The following OGDH variants were observed in gnomAD, a reference collection of about 807,000 sequenced individuals.
The protein encoded by OGDH is oxoglutarate dehydrogenase.
In OGDH, 38 loss-of-function variants were observed where a neutral mutation model predicts 116.6. That is an observed-to-expected ratio of 0.33 (90% CI 0.25 to 0.43). The LOEUF (loss-of-function observed/expected upper bound fraction) is 0.43. OGDH is among the 20% of genes least tolerant of loss of function. The probability of loss-of-function intolerance (pLI) is 1.00; values close to 1 mark genes in which losing one functional copy is unlikely to be tolerated. For missense variants in OGDH, 825 were observed against 1,357.2 expected, an observed-to-expected ratio of 0.61 and a Z score of 6.16; for synonymous variants, 488 against 533.3, an observed-to-expected ratio of 0.92 and a Z score of 1.17.
At chr7:44,655,536 G>A (rs1166549412) in intron 4 of OGDH, among the ~76,000 whole-genome samples, 1 of 152,226 alleles carries the variant, frequency 6.6e-6, no homozygotes, top group African/African-American at 2.4e-5. Flanking sequence ...AGCACTCTGA[G>A]TGCTCAACCA....
chr7:44,656,193 G>T, intron 4 of OGDH: 1 of 854,692 alleles, frequency 1.2e-6, no homozygotes, highest in Non-Finnish European at 1.9e-6. Context: ...TCCCTGTGAT[G>T]GTGTCTGTGC....
chr7:44,708,050 C>A lies in OGDH; in HGVS notation c.*51C>A. The A allele has an allele frequency of 1.3e-6, 2 of 1,584,786 alleles. No individual in the cohort carries two copies. Among genetic ancestry groups the A allele is most frequent in the Non-Finnish European group, 1.7e-6 (2 of 1,169,042 alleles). ...CTGCCCTCTCCACACCCATGACTGC[C>A]CCTTGCTTCTCAACTAAAGAATAGT... On this transcript the variant is annotated 3_prime_UTR_variant, in exon 23 of 23. Coordinates refer to ENST00000222673, the MANE Select transcript of OGDH (RefSeq NM_002541.4).
chr7:44,652,249 C>G (rs956271881), intron 4 of OGDH, among the ~76,000 whole-genome samples: 2 of 152,196 alleles, frequency 1.3e-5, no homozygotes, highest in Middle Eastern at 6.8e-3. Context: ...GCTGGGATTA[C>G]AGGCACCCAC....
intron 12 of OGDH, 70 bp from the exon 13 acceptor site, chr7:44,695,955 G>T: frequency 1.2e-6 from 1 of 829,768 alleles, no homozygotes; most frequent in South Asian, 1.4e-5. Context: ...AGAAAGTGTG[G>T]GGGTACAGGT....
intron 9 of OGDH, 99 bp from the exon 10 acceptor site, chr7:44,681,621 C>A: frequency 6.8e-7 from 1 of 1,469,450 alleles, no homozygotes; most frequent in Non-Finnish European, 9.2e-7. Context: ...TATCTCAAAA[C>A]GTTATTTTTT....
At chr7:44,636,988 TG>T (rs1220517569) in intron 2 of OGDH, among the ~76,000 whole-genome samples, 4 of 152,122 alleles carry the variant, frequency 2.6e-5, no homozygotes, top group Admixed American at 6.5e-5. Context: ...TGCCATTTGG[TG>T]GCAAAAGTCA....
At position 44,626,333 on chromosome 7, in the gene OGDH, C is replaced by A. The variant is rs62460462; in HGVS notation, c.222+1768C>A. On this transcript the variant is annotated intron_variant, in intron 2 of 22. Coordinates refer to ENST00000222673, the MANE Select transcript of OGDH (RefSeq NM_002541.4). ...CACACACACACACACACACACACAC[C>A]CCTACACACACACACACACACACAC... Among the ~76,000 whole-genome samples the A allele has an allele frequency of 5.7e-3, 617 of 108,080 alleles. 4 individuals carry two copies. The highest frequency in any genetic ancestry group is 0.018 in the African/African-American group (540 of 29,424). 70.9% of individuals were successfully genotyped at this position (108,080 alleles called of 152,430 possible). A position where few individuals can be genotyped will look rare whatever the true frequency, so the allele number is the denominator to read the frequency against.
intron 4 of OGDH, among the ~76,000 whole-genome samples, chr7:44,652,548 A>T (rs1401363131): frequency 6.6e-6 from 1 of 151,978 alleles, no homozygotes; most frequent in Admixed American, 6.6e-5. Context: ...CCAACATGAG[A>T]TACTTTATTT....
Position 44,707,900 on chromosome 7 carries a change from G to C in OGDH, c.2973G>C (p.Ala991=), listed in dbSNP as rs2070606. Reference sequence around the variant, plus strand: ...TCAGGTATGCCGGCCGGGACCCAGCGGCTGCTCCAGCCACCGGCAACAAGA... The same window carrying C: ...TCAGGTATGCCGGCCGGGACCCAGCCGCTGCTCCAGCCACCGGCAACAAGA... ...KPVWYAGRDP[A]AAPATGNKKT... is the part of the protein sequence containing the mutation. Residue 991 remains alanine, a synonymous_variant, in exon 23 of 23, where the codon GCG becomes GCC. Transcript: ENST00000222673. This position sits in a 1 kb window ranked among gnomAD's most constrained non-coding sequence, Gnocchi z 5.2. The C allele has an allele frequency of 1.9e-6, 3 of 1,613,300 alleles. No homozygotes were observed. The highest frequency in any genetic ancestry group is 2.5e-6 in the Non-Finnish European group (3 of 1,179,938).
intron 10 of OGDH, among the ~76,000 whole-genome samples, chr7:44,684,622 G>A (rs1788057716): frequency 1.3e-5 from 2 of 152,032 alleles, no homozygotes; most frequent in African/African-American, 4.8e-5. Flanking sequence ...TTTTACAGAA[G>A]TGAAAATTGA....
At chr7:44,607,513 C>T (rs1784400062) in intron 1 of OGDH, among the ~76,000 whole-genome samples, 1 of 152,134 alleles carries the variant, frequency 6.6e-6, no homozygotes, top group Non-Finnish European at 1.5e-5. Flanking sequence ...AGGTACACTG[C>T]TCTGAACAGC....
intron 2 of OGDH, among the ~76,000 whole-genome samples, chr7:44,641,242 TGG>T (rs1785930567): frequency 8.1e-6 from 1 of 123,132 alleles, no homozygotes; most frequent in Admixed American, 7.9e-5. Context: ...TTTTTTTTTT[TGG>T]AAACAGGGTG....
rs1041149423 is a variant in OGDH, at chr7:44,662,153, A to G, written c.518-4583A>G. Among the ~76,000 whole-genome samples, 3 of 152,190 alleles carry G rather than the reference A, an allele frequency of 2.0e-5. No homozygotes were observed. The East Asian group carries it at 5.8e-4, about 29-fold the overall frequency. ...GCTTCAACCATCAAACATAATTTAG[A>G]AGACCCAAGAGGAGGAGAATCTGAT... On this transcript the variant is annotated intron_variant, in intron 4 of 22. Transcript: ENST00000222673.
intron 10 of OGDH, among the ~76,000 whole-genome samples, chr7:44,687,083 T>A (rs1181964144): frequency 7.4e-5 from 11 of 147,856 alleles, no homozygotes; most frequent in Admixed American, 4.8e-4. Flanking sequence ...TTAAAAAAAT[T>A]TTTTTTAATT....
rs751179525 is a variant in OGDH, at chr7:44,707,868, C to G, written c.2952-11C>G. The stretch of plus-strand genomic sequence containing the variant: ...CCCCTGCCCTCACTGCCCCCTCCCT[C>G]CATCTCTCAGGTATGCCGGCCGGGA... On this transcript the variant is annotated splice_polypyrimidine_tract_variant and intron_variant, in intron 22 of 22. Coordinates refer to ENST00000222673, the MANE Select transcript of OGDH (RefSeq NM_002541.4). This position sits in a 1 kb window ranked among gnomAD's most constrained non-coding sequence, Gnocchi z 5.2. The G allele has an allele frequency of 6.2e-7, 1 of 1,611,938 alleles. No individual in the cohort carries two copies. Among genetic ancestry groups the G allele is most frequent in the East Asian group, 2.2e-5 (1 of 44,880 alleles).
chr7:44,650,693 G>A (rs1439676930), intron 4 of OGDH, among the ~76,000 whole-genome samples: 1 of 152,176 alleles, frequency 6.6e-6, no homozygotes, highest in African/African-American at 2.4e-5. Flanking sequence ...GTAGCATCTA[G>A]TGCAGGAGTT....
In OGDH at chr7:44,696,532, T is replaced by C; in HGVS notation, c.1875T>C (p.Pro625=). 6.2e-7 allele frequency: 1 copy of C among 1,614,240 alleles called. No individual in the cohort carries two copies. The highest frequency in any genetic ancestry group is 1.6e-4 in the Middle Eastern group (1 of 6,062). Residue 625 remains proline, a synonymous_variant, in exon 14 of 23, where the codon CCT becomes CCC. Transcript: ENST00000222673. ...THIGNVASSV[P]VENFTIHGGL... is the part of the protein sequence containing the mutation. ...TCGGGAATGTGGCTAGTTCTGTGCCTGTGGAAAACTTTACTATTCATGGAG... is the reference window on the plus strand; with the variant it reads ...TCGGGAATGTGGCTAGTTCTGTGCCCGTGGAAAACTTTACTATTCATGGAG...
chr7:44,637,835 G>C (rs1401527542), intron 2 of OGDH, among the ~76,000 whole-genome samples: 2 of 151,490 alleles, frequency 1.3e-5, no homozygotes, highest in African/African-American at 4.9e-5. Context: ...AAAAAAAAAT[G>C]GTATTCATTT....
chr7:44,678,049 T>C (rs899598162), intron 9 of OGDH, among the ~76,000 whole-genome samples: 3 of 152,090 alleles, frequency 2.0e-5, no homozygotes, highest in Non-Finnish European at 4.4e-5. Context: ...CAATGCTCAC[T>C]GTAAAGAACG....
Sources: gnomAD v4.1 joint callset for allele counts (sites outside exome capture counted in the v4.1 genomes callset) on GRCh38, gnomAD v4.1.1 for gene constraint, Gnocchi (gnomAD v3.1) non-coding constraint, MANE v1.5 for transcripts, NCBI Gene and HGNC (gene_info 2026-07-23, HGNC 2026-07-21) for gene names.